The following WDPCP variants were observed in gnomAD, a reference collection of about 807,000 sequenced individuals.
The protein encoded by WDPCP is WD repeat-containing and planar cell polarity effector protein fritz homolog.
In WDPCP, 71 loss-of-function variants were observed where a neutral mutation model predicts 93.1. The ratio of observed to expected loss-of-function variants is 0.76; its 90% CI spans 0.63 to 0.93. The LOEUF is 0.93. Ranked by LOEUF, WDPCP falls within the 40% of genes least tolerant of loss-of-function variation. The pLI is 0.00. For synonymous variants in WDPCP, 315 were observed against 315.0 expected (o/e 1.00, Z 0.00); for missense variants, 844 against 887.4 (o/e 0.95, Z 0.62).
rs376853222 is a variant in WDPCP, at chr2:63,594,597, G to T, written n.488+56062C>A. The stretch of plus-strand genomic sequence containing the variant: ...TTTGGTAAAGATCAGGTAGGAACAG[G>T]TGTCTATAAATCTTAAGTTATTAGA... On this transcript the variant is annotated intron_variant and non_coding_transcript_variant, in intron 3 of 4. Transcript: ENST00000467687. 1.0e-5 allele frequency: 16 copies of T among 1,570,482 alleles called. 1 individual carries two copies. In the South Asian group the frequency reaches 1.6e-4, roughly 15 times the overall value.
At chr2:63,195,333 T>G (rs1675344115) in intron 14 of WDPCP, among the ~76,000 whole-genome samples, 1 of 152,214 alleles carries the variant, frequency 6.6e-6, no homozygotes, top group Non-Finnish European at 1.5e-5. Flanking sequence ...CTCTGCCATG[T>G]GATCTTAAGC....
chr2:63,276,621 A>G (rs1683108065), intron 13 of WDPCP, among the ~76,000 whole-genome samples: 1 of 152,232 alleles, frequency 6.6e-6, no homozygotes, highest in South Asian at 2.1e-4. Flanking sequence ...CAAACAGAAG[A>G]AAGAACTTCA....
rs1677198654 is a variant in WDPCP at position 63,215,099 on chromosome 2, T to C, written c.1916-40267A>G. On this transcript the variant is annotated intron_variant, in intron 14 of 17. Transcript: ENST00000272321. The stretch of plus-strand genomic sequence containing the variant: ...ATCCCCATCAAGCTACCAATGACTT[T>C]CCTCACAGAATTGGAAAAAACTACT... Among the ~76,000 whole-genome samples, 4 of 152,182 alleles carry C rather than the reference T, an allele frequency of 2.6e-5. No homozygotes were observed. The South Asian group carries it at 8.3e-4, about 31-fold the overall frequency.
At chr2:63,587,332 A>G (rs1432167465) in intron 1 of WDPCP, among the ~76,000 whole-genome samples, 1 of 152,210 alleles carries the variant, frequency 6.6e-6, no homozygotes, top group African/African-American at 2.4e-5. Flanking sequence ...CAGAACTGAG[A>G]ACCAGTAACA....
At chr2:63,314,453 G>A (rs78522946) in intron 12 of WDPCP, among the ~76,000 whole-genome samples, 3,185 of 152,238 alleles carry the variant, frequency 0.021, 53 homozygotes, top group East Asian at 0.08. Flanking sequence ...TTATAGGCCT[G>A]AGCCATTGTC....
intron 1 of WDPCP, among the ~76,000 whole-genome samples, chr2:63,585,548 AT>A (rs1454976231): frequency 1.9e-4 from 29 of 152,158 alleles, no homozygotes; most frequent in African/African-American, 6.5e-4. Flanking sequence ...ATTATCTAAC[AT>A]GGCTGTTTAC....
At chr2:63,382,961 C>T (rs1558550293) in intron 10 of WDPCP, among the ~76,000 whole-genome samples, 1 of 152,066 alleles carries the variant, frequency 6.6e-6, no homozygotes, top group Admixed American at 6.6e-5. Flanking sequence ...GGTTCCTTGG[C>T]AGTAGATATT....
intron 14 of WDPCP, among the ~76,000 whole-genome samples, chr2:63,241,172 A>C (rs1272257731): frequency 6.6e-6 from 1 of 152,214 alleles, no homozygotes; most frequent in African/African-American, 2.4e-5. Flanking sequence ...TAAGATATAC[A>C]AGTAATACAG....
chr2:63,392,335 G>C (rs2105033827), intron 10 of WDPCP, among the ~76,000 whole-genome samples: 1 of 152,336 alleles, frequency 6.6e-6, no homozygotes, highest in East Asian at 1.9e-4. Context: ...CTAGCCATAG[G>C]TAGAAAACTG....
chr2:63,622,427 G>A, intron 3 of WDPCP: 1 of 1,613,922 alleles, frequency 6.2e-7, no homozygotes, highest in Non-Finnish European at 8.5e-7. Flanking sequence ...CACCAAATAA[G>A]CTAGAGGAGA....
intron 2 of WDPCP, among the ~76,000 whole-genome samples, chr2:63,779,729 G>GA (rs1330521302): frequency 6.6e-6 from 1 of 152,158 alleles, no homozygotes; most frequent in Non-Finnish European, 1.5e-5. Context: ...TGAGTGCAAA[G>GA]AGAGGAGGCA....
intron 1 of WDPCP, among the ~76,000 whole-genome samples, chr2:63,497,778 G>A (rs1444302287): frequency 6.6e-6 from 1 of 152,224 alleles, no homozygotes; most frequent in African/African-American, 2.4e-5. Context: ...GGAGGAAGTA[G>A]TCAAGACTGA....
chr2:63,433,248 T>C (rs1696893039), intron 9 of WDPCP, among the ~76,000 whole-genome samples: 1 of 152,238 alleles, frequency 6.6e-6, no homozygotes, highest in African/African-American at 2.4e-5. Flanking sequence ...ATATAGGCAT[T>C]TAACTAATGT....
Position 63,705,653 on chromosome 2 carries a change from T to A in WDPCP, n.309-54815A>T, listed in dbSNP as rs1179603462. On this transcript the variant is annotated intron_variant and non_coding_transcript_variant, in intron 2 of 4. Coordinates refer to the WDPCP transcript ENST00000467687. ...TGAGTTCTAGTTTGATTGCATGTGG[T>A]CTGAGAGACAGTTTTTTATAATTTC... Among the ~76,000 whole-genome samples, 5 of 152,120 alleles carry A rather than the reference T, an allele frequency of 3.3e-5. No individual in the cohort carries two copies. In the East Asian group the frequency reaches 9.6e-4, roughly 29 times the overall value.
intron 6 of WDPCP, among the ~76,000 whole-genome samples, chr2:63,478,694 A>C (rs1307987706): frequency 3.3e-5 from 5 of 152,154 alleles, no homozygotes; most frequent in Non-Finnish European, 7.4e-5. Context: ...CTAAGAGGAA[A>C]GTTCATAGCC....
chr2:63,420,611 C>T (rs1171745158), intron 9 of WDPCP, among the ~76,000 whole-genome samples: 1 of 151,840 alleles, frequency 6.6e-6, no homozygotes, highest in Non-Finnish European at 1.5e-5. Context: ...TTGCCTCTCT[C>T]CCCAGATGCA....
intron 2 of WDPCP, among the ~76,000 whole-genome samples, chr2:63,660,204 CAGGACT>C (rs1710211800): frequency 2.6e-5 from 4 of 151,698 alleles, no homozygotes; most frequent in African/African-American, 4.8e-5. Context: ...ATTAATTTAC[CAGGACT>C]ACAAGTCCTA....
At chr2:63,551,630 C>A (rs1032515100) in intron 1 of WDPCP, among the ~76,000 whole-genome samples, 1 of 152,138 alleles carries the variant, frequency 6.6e-6, no homozygotes. Context: ...TCAGATATTT[C>A]TTTATAGCAA....
chr2:63,665,746 A>T (rs1264050798), intron 2 of WDPCP, among the ~76,000 whole-genome samples: 1 of 152,250 alleles, frequency 6.6e-6, no homozygotes, highest in Non-Finnish European at 1.5e-5. Context: ...GCTGGTACAC[A>T]TATATTATAG....
Sources: gnomAD v4.1 joint callset for allele counts (sites outside exome capture counted in the v4.1 genomes callset) on GRCh38, gnomAD v4.1.1 for gene constraint, MANE v1.5 for transcripts, NCBI Gene and HGNC (gene_info 2026-07-23, HGNC 2026-07-21) for gene names.